Variants in CEP135 observed in about 807,000 individuals in gnomAD.
CEP135 encodes centrosomal protein 135.
In CEP135, 142 loss-of-function variants were observed where a neutral mutation model predicts 157.3. That is an observed-to-expected ratio of 0.90 (90% CI 0.79 to 1.04). The LOEUF (loss-of-function observed/expected upper bound fraction) is 1.04. Ranked by LOEUF, CEP135 falls within the 50% of genes least tolerant of loss-of-function variation. CEP135 has a pLI of 0.00. For missense variants in CEP135, 1,317 were observed against 1,309.2 expected (o/e 1.01, Z -0.09); for synonymous variants, 396 against 439.8 (o/e 0.90, Z 1.25).
At chr4:55,980,630 G>C (rs1409222458) in intron 12 of CEP135, among the ~76,000 whole-genome samples, 1 of 152,184 alleles carries the variant, frequency 6.6e-6, no homozygotes, top group Non-Finnish European at 1.5e-5. Context: ...TATCAAAACA[G>C]TGGGTAGCAC....
chr4:55,957,628 A>G (rs1728548680), intron 5 of CEP135, among the ~76,000 whole-genome samples: 1 of 152,216 alleles, frequency 6.6e-6, no homozygotes, highest in Non-Finnish European at 1.5e-5. Flanking sequence ...GTTTAAGTAG[A>G]GCTGCTTTGA....
At chr4:55,995,736 C>T (rs1729948104) in intron 15 of CEP135, among the ~76,000 whole-genome samples, 1 of 152,198 alleles carries the variant, frequency 6.6e-6, no homozygotes, top group Non-Finnish European at 1.5e-5. Flanking sequence ...TGGCATCCAG[C>T]TGTAGTTTGT....
intron 17 of CEP135, among the ~76,000 whole-genome samples, chr4:56,000,787 A>G (rs2109715537): frequency 6.6e-6 from 1 of 152,328 alleles, no homozygotes; most frequent in Non-Finnish European, 1.5e-5. Context: ...TTGCAGGATC[A>G]TATGGTAGTT....
intron 24 of CEP135, among the ~76,000 whole-genome samples, chr4:56,023,073 C>T (rs925347535): frequency 6.6e-6 from 1 of 151,942 alleles, no homozygotes; most frequent in South Asian, 2.1e-4. Flanking sequence ...TCTCTAAAAA[C>T]ATTTTAAAAA....
At chr4:55,957,446 CTTG>C (rs1728544367) in intron 5 of CEP135, 82 bp downstream of exon 5, 1 of 1,327,538 alleles carries the variant, frequency 7.5e-7, no homozygotes, top group African/African-American at 1.5e-5. Flanking sequence ...GGCTTTTTTT[CTTG>C]TTAACTGTTG....
chr4:56,013,813 G>A (rs76644461), intron 21 of CEP135, among the ~76,000 whole-genome samples: 2,260 of 152,228 alleles, frequency 0.015, 28 homozygotes, highest in Non-Finnish European at 0.021. Flanking sequence ...GATATATTGA[G>A]CCCCAGTCTC....
At chr4:55,972,851 G>T (rs917974311) in intron 10 of CEP135, among the ~76,000 whole-genome samples, 9 of 152,196 alleles carry the variant, frequency 5.9e-5, no homozygotes, top group African/African-American at 2.2e-4. Flanking sequence ...GACCCACATG[G>T]AGAAACCCCA....
At chr4:55,997,361 A>G (rs1275209284) in intron 15 of CEP135, among the ~76,000 whole-genome samples, 1 of 152,110 alleles carries the variant, frequency 6.6e-6, no homozygotes, top group Non-Finnish European at 1.5e-5. Flanking sequence ...TATATCAATC[A>G]AGATGTGATC....
In CEP135 at chr4:55,965,848, G is replaced by T. The variant is rs780203603; in HGVS notation, c.1033G>T (p.Gly345Trp). ...GCTTGAGACTGCTGATAAAGAGCTT[G>T]GGGAAGCAAAGGTAATGAATGATAT... Reference protein sequence around the residue: ...EVLETADKELGEAKKEIKRKL... With the variant: ...EVLETADKELWEAKKEIKRKL... The change falls in exon 8 of 26, where the codon GGG becomes TGG. Residue 345 changes from glycine (G) to tryptophan (W), a missense_variant. By Grantham distance (184) the Gly-to-Trp change is radical. Transcript: ENST00000257287. 1.2e-6 allele frequency: 2 copies of T among 1,612,466 alleles called. No individual in the cohort carries two copies. Among genetic ancestry groups the T allele is most frequent in the Non-Finnish European group, 1.7e-6 (2 of 1,178,948 alleles).
chr4:55,952,576 G>C (rs1477275718), intron 2 of CEP135: 1 of 191,278 alleles, frequency 5.2e-6, no homozygotes, highest in Non-Finnish European at 1.1e-5. Context: ...CTGCTTCACT[G>C]GTCTTCAAAT....
intron 14 of CEP135, among the ~76,000 whole-genome samples, chr4:55,986,149 G>T (rs566327288): frequency 1.3e-5 from 2 of 152,204 alleles, no homozygotes; most frequent in South Asian, 2.1e-4. Flanking sequence ...AAAATTAAAT[G>T]AGTTAATACA....
intron 17 of CEP135, among the ~76,000 whole-genome samples, chr4:56,001,611 C>T (rs1370566501): frequency 6.6e-6 from 1 of 152,100 alleles, no homozygotes; most frequent in Non-Finnish European, 1.5e-5. Context: ...TTCTGTTGGT[C>T]TGTGTGTCTT....
At chr4:55,985,483 T>C in intron 14 of CEP135, 125 bp downstream of exon 14, 1 of 290,088 alleles carries the variant, frequency 3.4e-6, no homozygotes, top group Non-Finnish European at 6.3e-6. Flanking sequence ...TGAGATGGAG[T>C]CTCGCTCTGT....
chr4:55,975,872 CTGAT>C (rs1729194095), intron 11 of CEP135, among the ~76,000 whole-genome samples: 1 of 152,116 alleles, frequency 6.6e-6, no homozygotes, highest in Admixed American at 6.6e-5. Flanking sequence ...GTTTTGTCTT[CTGAT>C]TAGACTTCAT....
chr4:55,958,966 T>A (rs997171522), intron 5 of CEP135, among the ~76,000 whole-genome samples: 3 of 152,124 alleles, frequency 2.0e-5, no homozygotes, highest in East Asian at 3.9e-4. Context: ...GTGCCTGTGG[T>A]CCCAGGTACT....
intron 25 of CEP135, among the ~76,000 whole-genome samples, chr4:56,026,537 T>G (rs1452623555): frequency 6.6e-6 from 1 of 152,228 alleles, no homozygotes; most frequent in African/African-American, 2.4e-5. Flanking sequence ...TGTTGCTGTG[T>G]ATGGAATGCC....
intron 23 of CEP135, 41 bp downstream of exon 23, chr4:56,019,596 T>C (rs907004755): frequency 6.6e-7 from 1 of 1,515,782 alleles, no homozygotes; most frequent in African/African-American, 1.4e-5. Flanking sequence ...CAATTGCTTG[T>C]GAAGGATAGT....
At chr4:55,973,679 C>T (rs1249600354) in intron 10 of CEP135, among the ~76,000 whole-genome samples, 1 of 152,122 alleles carries the variant, frequency 6.6e-6, no homozygotes, top group African/African-American at 2.4e-5. Flanking sequence ...CATTCCAATA[C>T]AAAAACTTTG....
At chr4:55,974,671 A>G (rs1729134180) in intron 10 of CEP135, 75 bp from the exon 11 acceptor site, 1 of 1,076,672 alleles carries the variant, frequency 9.3e-7, no homozygotes, top group Non-Finnish European at 1.3e-6. Context: ...TCTAAAAGTT[A>G]TTAATATAAT....
Sources: allele counts gnomAD v4.1 joint callset (sites outside exome capture counted in the v4.1 genomes callset), GRCh38; gene constraint gnomAD v4.1.1; transcripts MANE v1.5; gene names NCBI Gene and HGNC (gene_info 2026-07-23, HGNC 2026-07-21).